The following ITGA2 variants were observed in gnomAD, a reference collection of about 807,000 sequenced individuals.
The protein encoded by ITGA2 is integrin subunit alpha 2.
Under a neutral mutation model 146.3 loss-of-function variants are expected in ITGA2, and 101 were observed. The ratio of observed to expected loss-of-function variants is 0.69; its 90% CI spans 0.59 to 0.81. The LOEUF is 0.81. ITGA2 is among the 40% of genes least tolerant of loss of function. The pLI, the probability that ITGA2 is intolerant of heterozygous loss-of-function variation, is 0.00. For synonymous variants in ITGA2, 477 were observed against 487.1 expected, an observed-to-expected ratio of 0.98 and a Z score of 0.27; for missense variants, 1,281 against 1,402.7, an observed-to-expected ratio of 0.91 and a Z score of 1.39.
At chr5:53,044,360 T>A (rs1181503976) in intron 3 of ITGA2, among the ~76,000 whole-genome samples, 5 of 143,534 alleles carry the variant, frequency 3.5e-5, no homozygotes, top group Non-Finnish European at 7.5e-5. Flanking sequence ...GGAATCCAAT[T>A]AAGAATAAGT....
intron 6 of ITGA2, among the ~76,000 whole-genome samples, chr5:53,050,688 G>A (rs1744313716): frequency 6.6e-6 from 1 of 152,156 alleles, no homozygotes; most frequent in Admixed American, 6.5e-5. Context: ...CTCAATGCCT[G>A]CAAACAAGGA....
chr5:52,996,821 C>A (rs1294473467), intron 1 of ITGA2, among the ~76,000 whole-genome samples: 1 of 152,146 alleles, frequency 6.6e-6, no homozygotes, highest in African/African-American at 2.4e-5. Flanking sequence ...TTCAATTCCC[C>A]TTATTTCTAT....
rs1038128024 is a variant in ITGA2, at chr5:53,067,267, T to G, written c.2083+10T>G. On this transcript the variant is annotated intron_variant, in intron 16 of 29. Transcript: ENST00000296585. ...CAAAACAATCAAGTGGGTGCGTAGA[T>G]CTGAAATAATCTGTATAGAAATTGG... 6.2e-7 allele frequency: 1 copy of G among 1,611,080 alleles called. No homozygotes were observed. The highest frequency in any genetic ancestry group is 2.2e-5 in the East Asian group (1 of 44,540).
At chr5:53,042,350 T>C (rs566118892) in intron 3 of ITGA2, 129 bp downstream of exon 3, 5 of 692,482 alleles carry the variant, frequency 7.2e-6, no homozygotes, top group East Asian at 2.8e-5. Flanking sequence ...TCTTTAGTAA[T>C]ATGGGGCACA....
chr5:53,019,966 A>G lies in ITGA2; in HGVS notation c.65-6782A>G, dbSNP rs536440668. 2.0e-5 allele frequency among the ~76,000 whole-genome samples: 3 copies of G among 152,276 alleles called. No homozygotes were observed. In the East Asian group the frequency reaches 5.8e-4, roughly 29 times the overall value. On this transcript the variant is annotated intron_variant, in intron 1 of 29. Coordinates refer to ENST00000296585, the MANE Select transcript of ITGA2 (RefSeq NM_002203.4). ...CTAATTTTATAAGTTAGATGTTATT[A>G]TAGGTATGTATATATAGAAAAAACA... is the stretch of plus-strand genomic sequence containing the variant.
chr5:53,031,668 G>A (rs941399931), intron 2 of ITGA2, among the ~76,000 whole-genome samples: 3 of 152,192 alleles, frequency 2.0e-5, no homozygotes, highest in Non-Finnish European at 4.4e-5. Context: ...TGGTGACATG[G>A]CTTTGATAAT....
At chr5:53,072,744 A>G in intron 19 of ITGA2, 49 bp downstream of exon 19, 1 of 1,370,444 alleles carries the variant, frequency 7.3e-7, no homozygotes, top group Non-Finnish European at 1.0e-6. Context: ...TAAAAGACAT[A>G]CTAGATTACT....
chr5:53,052,682 G>A (rs945821449), intron 7 of ITGA2, among the ~76,000 whole-genome samples: 1 of 151,742 alleles, frequency 6.6e-6, no homozygotes, highest in African/African-American at 2.4e-5. Context: ...TGGCTCCTCT[G>A]AACATTTGAT....
chr5:53,066,098 T>C (rs1313910177), intron 15 of ITGA2, 121 bp downstream of exon 15: 4 of 947,344 alleles, frequency 4.2e-6, no homozygotes, highest in Non-Finnish European at 6.8e-6. Context: ...AGGGAATCGA[T>C]GTATCATAGT....
intron 7 of ITGA2, among the ~76,000 whole-genome samples, chr5:53,051,969 TTTA>T (rs1744391467): frequency 6.6e-6 from 1 of 152,094 alleles, no homozygotes; most frequent in Admixed American, 6.6e-5. Context: ...CGAGTTTAAG[TTTA>T]TTATGCTTAT....
intron 3 of ITGA2, 101 bp downstream of exon 3, chr5:53,042,322 C>CT (rs566615219): frequency 1.2e-4 from 101 of 824,484 alleles, no homozygotes; most frequent in Middle Eastern, 2.3e-4. Context: ...ATACAGACAG[C>CT]TTTTTTTTGC....
intron 2 of ITGA2, among the ~76,000 whole-genome samples, chr5:53,031,868 C>T (rs755227959): frequency 9.2e-5 from 14 of 152,178 alleles, no homozygotes; most frequent in Admixed American, 3.3e-4. Context: ...GTGGATGATG[C>T]AATTCTTATC....
At chr5:53,075,375 T>A in intron 23 of ITGA2, 71 bp downstream of exon 23, 1 of 1,166,304 alleles carries the variant, frequency 8.6e-7, no homozygotes, top group Non-Finnish European at 1.3e-6. Context: ...GGCTCATGGC[T>A]AAAGAAGTCC....
At chr5:53,017,461 G>A (rs1579803531) in intron 1 of ITGA2, among the ~76,000 whole-genome samples, 1 of 152,320 alleles carries the variant, frequency 6.6e-6, no homozygotes, top group East Asian at 1.9e-4. Context: ...TGCACTGGAG[G>A]GGCCAAAGTG....
chr5:53,081,520 T>C (rs1420081453), intron 25 of ITGA2, 72 bp from the exon 26 acceptor site: 8 of 1,192,306 alleles, frequency 6.7e-6, no homozygotes, highest in Admixed American at 5.7e-5. Context: ...CAGTAGGATT[T>C]CCTAACATGT....
At chr5:53,062,960 A>T in intron 13 of ITGA2, 31 bp downstream of exon 13, 1 of 1,564,826 alleles carries the variant, frequency 6.4e-7, no homozygotes, top group Non-Finnish European at 8.8e-7. Context: ...TAATAGTTTA[A>T]TTTGCTTTAG....
intron 2 of ITGA2, among the ~76,000 whole-genome samples, chr5:53,039,021 A>G (rs1028121423): frequency 6.6e-6 from 1 of 152,198 alleles, no homozygotes; most frequent in African/African-American, 2.4e-5. Flanking sequence ...TGAACCCAGG[A>G]AGTGGAGGTT....
Position 53,012,235 on chromosome 5 carries a change from G to A in ITGA2, c.65-14513G>A, listed in dbSNP as rs555101399. Reference sequence around the variant, plus strand: ...CTCTTGCTGAGAATTTGTAAGGTTTGTGGATGCATTTGGATTTATTTGGAT... The same window carrying A: ...CTCTTGCTGAGAATTTGTAAGGTTTATGGATGCATTTGGATTTATTTGGAT... On this transcript the variant is annotated intron_variant, in intron 1 of 29. Transcript: ENST00000296585. Among the ~76,000 whole-genome samples the A allele has an allele frequency of 7.8e-4, 118 of 151,506 alleles. 1 individual carries two copies. The highest frequency in any genetic ancestry group is 2.6e-3 in the African/African-American group (108 of 40,838).
chr5:53,045,626 A>C (rs1159830482), intron 4 of ITGA2, among the ~76,000 whole-genome samples: 2 of 152,296 alleles, frequency 1.3e-5, no homozygotes, highest in East Asian at 3.9e-4. Flanking sequence ...TAATTGATTA[A>C]TATTTACATA....
Sources: gnomAD v4.1 joint callset for allele counts (sites outside exome capture counted in the v4.1 genomes callset) on GRCh38, gnomAD v4.1.1 for gene constraint, MANE v1.5 for transcripts, NCBI Gene and HGNC (gene_info 2026-07-23, HGNC 2026-07-21) for gene names.